CLYBL: variants seen among roughly 807,000 people sequenced by gnomAD.
CLYBL encodes the protein citramalyl-CoA lyase, also known as citramalyl-CoA lyase, mitochondrial.
Under a neutral mutation model 38.9 loss-of-function variants are expected in CLYBL, and 31 were observed. That is an observed-to-expected ratio of 0.80 (90% CI 0.60 to 1.08). The LOEUF is 1.08. Ranked by LOEUF, CLYBL falls within the 50% of genes least tolerant of loss-of-function variation. The pLI is 0.00. For missense variants in CLYBL, 434 were observed against 411.6 expected, an observed-to-expected ratio of 1.05 and a Z score of -0.47; for synonymous variants, 171 against 158.6, an observed-to-expected ratio of 1.08 and a Z score of -0.59.
chr13:99,646,928 C>T (rs2047185766), intron 1 of CLYBL, among the ~76,000 whole-genome samples: 3 of 152,192 alleles, frequency 2.0e-5, no homozygotes, highest in Admixed American at 6.5e-5. Flanking sequence ...CTGTGCCAGA[C>T]ACTCTTCTAG....
intron 2 of CLYBL, 91 bp downstream of exon 2, chr13:99,773,101 C>T: frequency 9.5e-7 from 1 of 1,051,970 alleles, no homozygotes; most frequent in Non-Finnish European, 1.4e-6. Context: ...TGGAAAGATT[C>T]TACCACACTC....
intron 2 of CLYBL, among the ~76,000 whole-genome samples, chr13:99,773,559 C>G (rs993161397): frequency 1.3e-5 from 2 of 152,172 alleles, no homozygotes; most frequent in African/African-American, 2.4e-5. Flanking sequence ...GCCTGATGAT[C>G]TGAGGTGGAA....
At chr13:99,798,650 T>G (rs2050069637) in intron 2 of CLYBL, among the ~76,000 whole-genome samples, 1 of 152,244 alleles carries the variant, frequency 6.6e-6, no homozygotes, top group Non-Finnish European at 1.5e-5. Flanking sequence ...CCTTACCGTA[T>G]GTAAACAACA....
chr13:99,615,765 C>G (rs1315569259), intron 1 of CLYBL, among the ~76,000 whole-genome samples: 1 of 152,160 alleles, frequency 6.6e-6, no homozygotes, highest in Non-Finnish European at 1.5e-5. Context: ...TTCCTTCCTT[C>G]CTTTCTCACC....
intron 1 of CLYBL, among the ~76,000 whole-genome samples, chr13:99,628,579 C>T (rs2046901173): frequency 6.6e-6 from 1 of 152,180 alleles, no homozygotes; most frequent in South Asian, 2.1e-4. Flanking sequence ...CATTAGCAGC[C>T]TGGGAATTCA....
chr13:99,883,336 T>TG (rs1260393425), intron 7 of CLYBL, among the ~76,000 whole-genome samples: 2 of 151,932 alleles, frequency 1.3e-5, no homozygotes, highest in Admixed American at 6.6e-5. Flanking sequence ...CTGGCCAACA[T>TG]GGTGAAACCC....
At chr13:99,741,752 T>G (rs1483214279) in intron 1 of CLYBL, among the ~76,000 whole-genome samples, 1 of 152,180 alleles carries the variant, frequency 6.6e-6, no homozygotes, top group African/African-American at 2.4e-5. Context: ...GCTGGGATTA[T>G]AGGCATGAGC....
At chr13:99,702,428 C>A (rs1344126259) in intron 1 of CLYBL, among the ~76,000 whole-genome samples, 1 of 151,936 alleles carries the variant, frequency 6.6e-6, no homozygotes, top group African/African-American at 2.4e-5. Flanking sequence ...GCCAGGAGTT[C>A]AAGACCAGCC....
chr13:99,618,854 A>T (rs990844275), intron 1 of CLYBL, among the ~76,000 whole-genome samples: 8 of 152,160 alleles, frequency 5.3e-5, no homozygotes, highest in Non-Finnish European at 1.2e-4. Context: ...ATATCTTCCA[A>T]GGTGCATCCA....
At chr13:99,830,149 A>G (rs1020943320) in intron 2 of CLYBL, among the ~76,000 whole-genome samples, 1 of 152,210 alleles carries the variant, frequency 6.6e-6, no homozygotes, top group Non-Finnish European at 1.5e-5. Flanking sequence ...TAAAATGACT[A>G]GATAATTGTA....
At position 99,743,386 on chromosome 13, in the gene CLYBL, C is replaced by T. The variant is rs575526689; in HGVS notation, c.63-29438C>T. On this transcript the variant is annotated intron_variant, in intron 1 of 8. Coordinates refer to ENST00000339105, the MANE Select transcript of CLYBL (RefSeq NM_206808.5). ...CCTGAGCTGCCTTTTTCTTCACTTGCGTATAAAGAAATACAATTAACAAAC... is the reference window on the plus strand; with the variant it reads ...CCTGAGCTGCCTTTTTCTTCACTTGTGTATAAAGAAATACAATTAACAAAC... 3.9e-5 allele frequency among the ~76,000 whole-genome samples: 6 copies of T among 152,200 alleles called. No homozygotes were observed. The South Asian group carries it at 6.2e-4, about 16-fold the overall frequency.
At chr13:99,708,274 C>A (rs941119289) in intron 1 of CLYBL, among the ~76,000 whole-genome samples, 14 of 152,342 alleles carry the variant, frequency 9.2e-5, no homozygotes, top group African/African-American at 3.1e-4. Context: ...AGCCCTCACA[C>A]CCGGCCTGAT....
chr13:99,862,127 G>A (rs1003419005), intron 3 of CLYBL, among the ~76,000 whole-genome samples: 3 of 152,034 alleles, frequency 2.0e-5, no homozygotes, highest in Admixed American at 2.0e-4. Context: ...CTTTTCCTTT[G>A]ATATCTATTA....
chr13:99,620,292 C>T (rs1056730605), intron 1 of CLYBL, among the ~76,000 whole-genome samples: 42 of 152,260 alleles, frequency 2.8e-4, no homozygotes, highest in African/African-American at 9.9e-4. Flanking sequence ...TTTTTTTCTG[C>T]TCCATTTGGG....
At chr13:99,821,485 A>G (rs2050587651) in intron 2 of CLYBL, among the ~76,000 whole-genome samples, 1 of 152,086 alleles carries the variant, frequency 6.6e-6, no homozygotes, top group Admixed American at 6.5e-5. Context: ...TTTTCTTTTG[A>G]TGGAAAATTA....
At chr13:99,671,766 C>T (rs2047567883) in intron 1 of CLYBL, among the ~76,000 whole-genome samples, 1 of 138,342 alleles carries the variant, frequency 7.2e-6, no homozygotes, top group Non-Finnish European at 1.5e-5. Context: ...GGTGACACAG[C>T]AAGACTCTTT....
chr13:99,811,742 G>C (rs975468714), intron 2 of CLYBL, among the ~76,000 whole-genome samples: 3 of 136,666 alleles, frequency 2.2e-5, no homozygotes, highest in African/African-American at 9.2e-5. Flanking sequence ...TTTGTTTTAT[G>C]AAAAATCCAC....
intron 1 of CLYBL, among the ~76,000 whole-genome samples, chr13:99,755,618 G>C (rs753933908): frequency 2.0e-5 from 3 of 152,188 alleles, no homozygotes; most frequent in Non-Finnish European, 2.9e-5. Flanking sequence ...TCCATCCTCA[G>C]GGAATGGATA....
intron 7 of CLYBL, among the ~76,000 whole-genome samples, chr13:99,878,186 T>C (rs1346946532): frequency 6.6e-6 from 1 of 152,258 alleles, no homozygotes; most frequent in East Asian, 1.9e-4. Flanking sequence ...ATACTTCTGC[T>C]GCCTTCTAGA....
Sources: allele counts gnomAD v4.1 joint callset (sites outside exome capture counted in the v4.1 genomes callset), GRCh38; gene constraint gnomAD v4.1.1; transcripts MANE v1.5; gene names NCBI Gene and HGNC (gene_info 2026-07-23, HGNC 2026-07-21).